Variants in MAGI2 observed in about 807,000 individuals in gnomAD.
MAGI2 encodes membrane associated guanylate kinase, WW and PDZ domain containing 2, also known as membrane-associated guanylate kinase, WW and PDZ domain-containing protein 2.
MAGI2 carries 35 observed loss-of-function variants against 133.3 expected under a neutral mutation model. The observed-to-expected ratio is 0.26, with a 90% CI of 0.20 to 0.35. The LOEUF is 0.35. Among genes scored for constraint, MAGI2 ranks in the 10% least tolerant of loss-of-function variants. The probability of loss-of-function intolerance (pLI) is 1.00; values close to 1 mark genes in which losing one functional copy is unlikely to be tolerated. For synonymous variants in MAGI2, 729 were observed against 710.6 expected (o/e 1.03, Z -0.41); for missense variants, 1,636 against 1,863.4 (o/e 0.88, Z 2.25).
chr7:79,371,354 C>T (rs1194561257), intron 1 of MAGI2, among the ~76,000 whole-genome samples: 1 of 151,902 alleles, frequency 6.6e-6, no homozygotes, highest in African/African-American at 2.4e-5. Context: ...CAACATACTT[C>T]ATTCTTAAAG....
At chr7:78,215,818 A>G (rs372156083) in intron 10 of MAGI2, among the ~76,000 whole-genome samples, 1 of 152,342 alleles carries the variant, frequency 6.6e-6, no homozygotes, top group South Asian at 2.1e-4. Context: ...ATGAAATAAA[A>G]TCTTCCACAG....
At chr7:78,394,139 GAAGA>G (rs1399881438) in intron 6 of MAGI2, among the ~76,000 whole-genome samples, 2 of 152,096 alleles carry the variant, frequency 1.3e-5, no homozygotes, top group Non-Finnish European at 2.9e-5. Flanking sequence ...CCCAGCTCAA[GAAGA>G]GAGAGGGTTA....
intron 6 of MAGI2, among the ~76,000 whole-genome samples, chr7:78,467,078 G>A (rs975208637): frequency 2.0e-5 from 3 of 152,106 alleles, no homozygotes; most frequent in African/African-American, 7.2e-5. Flanking sequence ...CAAGAAATCT[G>A]CCAAAGTTTA....
chr7:78,814,778 A>G (rs1789411029), intron 2 of MAGI2, among the ~76,000 whole-genome samples: 1 of 152,158 alleles, frequency 6.6e-6, no homozygotes, highest in South Asian at 2.1e-4. Context: ...GATGAAGTGC[A>G]GTGCTGCAAT....
At chr7:78,209,292 C>G (rs62463872) in intron 10 of MAGI2, among the ~76,000 whole-genome samples, 1 of 116,392 alleles carries the variant, frequency 8.6e-6, no homozygotes, top group East Asian at 2.7e-4. Flanking sequence ...GACGGAGTCT[C>G]GCTCTGTTGC....
At chr7:79,291,975 T>G (rs944823776) in intron 1 of MAGI2, among the ~76,000 whole-genome samples, 9 of 152,162 alleles carry the variant, frequency 5.9e-5, no homozygotes, top group Non-Finnish European at 1.0e-4. Context: ...ATTAAGAAAT[T>G]TTTTGTTTGC....
At chr7:78,601,062 A>G (rs1805150349) in intron 3 of MAGI2, among the ~76,000 whole-genome samples, 1 of 152,220 alleles carries the variant, frequency 6.6e-6, no homozygotes. Context: ...AATATACAGA[A>G]AGATGTGAGC....
intron 1 of MAGI2, among the ~76,000 whole-genome samples, chr7:79,384,673 T>C (rs915496578): frequency 1.1e-4 from 17 of 151,668 alleles, no homozygotes; most frequent in African/African-American, 4.1e-4. Flanking sequence ...AACTTATATA[T>C]ATTAAATAGG....
At chr7:79,361,368 T>C (rs1286079419) in intron 1 of MAGI2, among the ~76,000 whole-genome samples, 4 of 151,944 alleles carry the variant, frequency 2.6e-5, no homozygotes, top group African/African-American at 9.7e-5. Context: ...CTTTAAATGA[T>C]ATGCAAGGAG....
At chr7:78,411,910 T>C (rs1045342218) in intron 6 of MAGI2, among the ~76,000 whole-genome samples, 3 of 152,020 alleles carry the variant, frequency 2.0e-5, no homozygotes, top group Non-Finnish European at 4.4e-5. Flanking sequence ...TTATAATGAT[T>C]TTACTGGGCT....
chr7:78,976,459 G>GTAAATAAATAAATAAATAAA (rs140485157), intron 2 of MAGI2, among the ~76,000 whole-genome samples: 31 of 150,772 alleles, frequency 2.1e-4, no homozygotes, highest in African/African-American at 7.3e-4. Context: ...AAATAAATAA[G>GTAAATAAATAAATAAATAAA]TAAATAAATA....
At chr7:78,499,990 G>A (rs1017449507) in intron 5 of MAGI2, among the ~76,000 whole-genome samples, 2 of 152,060 alleles carry the variant, frequency 1.3e-5, no homozygotes, top group East Asian at 1.9e-4. Flanking sequence ...AAGATGCCTT[G>A]GTCATTGATT....
intron 21 of MAGI2, among the ~76,000 whole-genome samples, chr7:78,074,565 T>C (rs2151174043): frequency 6.6e-6 from 1 of 152,336 alleles, no homozygotes; most frequent in East Asian, 1.9e-4. Flanking sequence ...TTCTTGGCTA[T>C]ATCTACTGGT....
intron 3 of MAGI2, among the ~76,000 whole-genome samples, chr7:78,563,998 T>C (rs1162810269): frequency 1.3e-5 from 2 of 152,210 alleles, no homozygotes; most frequent in African/African-American, 4.8e-5. Flanking sequence ...TTTTTTTAAG[T>C]TGCTAACACA....
chr7:78,623,619 T>C (rs541341808), intron 3 of MAGI2, among the ~76,000 whole-genome samples: 1 of 152,234 alleles, frequency 6.6e-6, no homozygotes, highest in East Asian at 1.9e-4. Flanking sequence ...TTCCTGTAAA[T>C]GTGGCAAGAA....
chr7:79,207,661 A>G (rs1306053822), intron 1 of MAGI2, among the ~76,000 whole-genome samples: 1 of 151,820 alleles, frequency 6.6e-6, no homozygotes, highest in East Asian at 1.9e-4. Flanking sequence ...CAAAATACCA[A>G]TGATATTCTT....
chr7:79,054,370 G>T (rs1180540414), intron 1 of MAGI2, among the ~76,000 whole-genome samples: 1 of 152,012 alleles, frequency 6.6e-6, no homozygotes. Flanking sequence ...TCATAAAATT[G>T]ATATTTTTTA....
intron 10 of MAGI2, among the ~76,000 whole-genome samples, chr7:78,208,397 A>C (rs1395341740): frequency 2.6e-5 from 4 of 152,136 alleles, no homozygotes; most frequent in South Asian, 2.1e-4. Context: ...ATAGGTTCAA[A>C]ATAATGCAGG....
At chr7:79,006,885 T>A (rs1483111577) in intron 2 of MAGI2, 4 of 425,880 alleles carry the variant, frequency 9.4e-6, no homozygotes, top group Non-Finnish European at 1.6e-5. Context: ...AAATCACAAG[T>A]TTCTTCTGGC....
Sources: gnomAD v4.1 joint callset for allele counts (sites outside exome capture counted in the v4.1 genomes callset) on GRCh38, gnomAD v4.1.1 for gene constraint, MANE v1.5 for transcripts, NCBI Gene and HGNC (gene_info 2026-07-23, HGNC 2026-07-21) for gene names.